Variants in CLIP4 observed in about 807,000 individuals in gnomAD.
CLIP4 encodes CAP-Gly domain-containing linker protein 4.
CLIP4 carries 47 observed loss-of-function variants against 73.1 expected under a neutral mutation model. The ratio of observed to expected loss-of-function variants is 0.64; its 90% CI spans 0.51 to 0.82. The LOEUF (loss-of-function observed/expected upper bound fraction) is 0.82. CLIP4 is among the 40% of genes least tolerant of loss of function. The pLI is 0.00. For synonymous variants in CLIP4, 306 were observed against 295.4 expected (o/e 1.04, Z -0.37); for missense variants, 874 against 852.9 (o/e 1.02, Z -0.31).
chr2:29,152,545 A>AT (rs140277158), intron 8 of CLIP4, 140 bp from the exon 9 acceptor site: 8,946 of 776,274 alleles, frequency 0.012, 325 homozygotes, highest in African/African-American at 0.097. Context: ...TGTGTCTTAC[A>AT]TTTTTTTTCC....
chr2:29,181,719 T>C lies in CLIP4; in HGVS notation c.1944T>C (p.Phe648=). The C allele has an allele frequency of 6.2e-7, 1 of 1,614,174 alleles. No individual in the cohort carries two copies. Residue 648 remains phenylalanine (F), a synonymous_variant, in exon 16 of 16, where the codon TTT becomes TTC. Transcript: ENST00000320081. ...TTAGGTATGTGGGCCCCACTGACTTTGCTTCAGGTATCTGGCTTGGACTTG... is the reference window on the plus strand; with the variant it reads ...TTAGGTATGTGGGCCCCACTGACTTCGCTTCAGGTATCTGGCTTGGACTTG... ...GTVRYVGPTD[F]ASGIWLGLEL...
At chr2:29,157,623 A>C (rs767840495) in intron 11 of CLIP4, among the ~76,000 whole-genome samples, 4 of 152,030 alleles carry the variant, frequency 2.6e-5, no homozygotes, top group Admixed American at 6.5e-5. Flanking sequence ...TGTCATCTTC[A>C]TATTTAAAAA....
intron 1 of CLIP4, 21 bp from the exon 2 acceptor site, chr2:29,121,353 T>C (rs1400927268): frequency 1.3e-6 from 2 of 1,571,348 alleles, no homozygotes; most frequent in Middle Eastern, 1.7e-4. Flanking sequence ...AGAAACACTT[T>C]TTTTTTCTTT....
chr2:29,153,911 C>T (rs1168371156), intron 9 of CLIP4, among the ~76,000 whole-genome samples: 2 of 152,108 alleles, frequency 1.3e-5, no homozygotes, highest in African/African-American at 4.8e-5. Context: ...TATAAATCAC[C>T]CTTCCGTATA....
At chr2:29,180,122 G>C (rs534080153) in intron 15 of CLIP4, among the ~76,000 whole-genome samples, 2 of 152,198 alleles carry the variant, frequency 1.3e-5, no homozygotes, top group African/African-American at 4.8e-5. Flanking sequence ...AACAAGTTCT[G>C]TGTTGAATAT....
chr2:29,175,090 G>A (rs1207501282), intron 15 of CLIP4, among the ~76,000 whole-genome samples: 1 of 152,160 alleles, frequency 6.6e-6, no homozygotes, highest in Non-Finnish European at 1.5e-5. Context: ...TAGCTGCTTA[G>A]GGAAGTACAC....
In CLIP4 at chr2:29,181,784, G is replaced by A; in HGVS notation, c.2009G>A (p.Gly670Asp). 1.2e-6 allele frequency: 2 copies of A among 1,614,168 alleles called. No individual in the cohort carries two copies. Among genetic ancestry groups the A allele is most frequent in the Non-Finnish European group, 1.7e-6 (2 of 1,180,028 alleles). ...AAGGGAAAAAATGATGGGTCAGTGG[G>A]TGACAAGCGCTATTTCACCTGTAAG... ...SAKGKNDGSV[G>D]DKRYFTCKPN... is the part of the protein sequence containing the mutation. The change falls in exon 16 of 16, where the codon GGT (glycine) becomes GAT (aspartate). Residue 670 changes from glycine to aspartate, a missense_variant. Coordinates refer to ENST00000320081, the MANE Select transcript of CLIP4 (RefSeq NM_024692.6).
chr2:29,139,504 T>G (rs1665609580), intron 6 of CLIP4, among the ~76,000 whole-genome samples: 1 of 152,200 alleles, frequency 6.6e-6, no homozygotes, highest in African/African-American at 2.4e-5. Flanking sequence ...ATAGAATGAA[T>G]TAGGGAGAAA....
At chr2:29,151,397 C>T (rs1474887011) in intron 8 of CLIP4, among the ~76,000 whole-genome samples, 2 of 152,020 alleles carry the variant, frequency 1.3e-5, no homozygotes, top group Admixed American at 6.6e-5. Context: ...TCATCGTCGT[C>T]ATTATCACCA....
At chr2:29,171,711 G>T (rs1245930899) in intron 14 of CLIP4, among the ~76,000 whole-genome samples, 2 of 151,930 alleles carry the variant, frequency 1.3e-5, no homozygotes, top group Non-Finnish European at 2.9e-5. Flanking sequence ...GTAGAGACGG[G>T]TTTTCACTAT....
intron 2 of CLIP4, among the ~76,000 whole-genome samples, chr2:29,126,285 A>G (rs981594711): frequency 6.6e-6 from 1 of 152,260 alleles, no homozygotes; most frequent in African/African-American, 2.4e-5. Flanking sequence ...TGAAAATTCA[A>G]ATGTAGTTAG....
chr2:29,160,410 G>A lies in CLIP4; in HGVS notation c.1477G>A (p.Val493Met). Residue 493 changes from valine (V) to methionine (M), a missense_variant, in exon 12 of 16, where the codon GTG (valine) becomes ATG (methionine). By Grantham distance (21) the Val-to-Met change is conservative (BLOSUM62 1). Transcript: ENST00000320081. ...GELRLGERVL[V>M]VGQRLGTIRF... ...ACTCCGCCTCGGAGAGAGAGTGTTA[G>A]TGGTAGGACAGAGACTGGGCACCAT... is the stretch of plus-strand genomic sequence containing the variant. 1 of 1,614,182 alleles carries A rather than the reference G, an allele frequency of 6.2e-7. No individual in the cohort carries two copies. Among genetic ancestry groups the A allele is most frequent in the African/African-American group, 1.3e-5 (1 of 75,046 alleles).
intron 2 of CLIP4, among the ~76,000 whole-genome samples, chr2:29,129,226 T>A (rs1664810256): frequency 6.6e-6 from 1 of 152,194 alleles, no homozygotes; most frequent in South Asian, 2.1e-4. Context: ...ATCAAAGTTG[T>A]ACGTCTGCCT....
At chr2:29,161,215 C>T (rs1411670991) in intron 12 of CLIP4, among the ~76,000 whole-genome samples, 2 of 152,212 alleles carry the variant, frequency 1.3e-5, no homozygotes, top group Non-Finnish European at 2.9e-5. Context: ...CTCAGGTGAT[C>T]TGCCCGCCTT....
upstream of CLIP4, among the ~76,000 whole-genome samples, chr2:29,112,538 A>G (rs1012581864): frequency 2.6e-5 from 4 of 152,258 alleles, no homozygotes; most frequent in African/African-American, 9.6e-5. Context: ...TACATTTCCC[A>G]GTTGCTTACT....
intron 5 of CLIP4, 85 bp from the exon 6 acceptor site, chr2:29,135,463 C>T: frequency 2.3e-6 from 2 of 887,338 alleles, no homozygotes; most frequent in South Asian, 1.9e-5. Flanking sequence ...GCTATAAGTC[C>T]CTCCTCCCAA....
At chr2:29,142,520 C>G (rs1370271534) in intron 6 of CLIP4, among the ~76,000 whole-genome samples, 3 of 151,998 alleles carry the variant, frequency 2.0e-5, no homozygotes, top group Non-Finnish European at 2.9e-5. Flanking sequence ...ATTAGTGTAA[C>G]ACATATCTTT....
At chr2:29,129,917 C>G in intron 2 of CLIP4, 1 of 446,202 alleles carries the variant, frequency 2.2e-6, no homozygotes, top group Non-Finnish European at 4.8e-6. Context: ...TGTTTTTGGA[C>G]CCCATCTTTG....
rs185514990 is a variant in CLIP4, at chr2:29,148,464, T to C, written c.1021+3097T>C. ...TGATAAGTTTTAATACTTGGTGGTA[T>C]TACTGTTTTTATGTCTTTTAATAAT... On this transcript the variant is annotated intron_variant, in intron 8 of 15. Transcript: ENST00000320081. 3.9e-4 allele frequency among the ~76,000 whole-genome samples: 60 copies of C among 152,336 alleles called. 1 individual carries two copies. The highest frequency in any genetic ancestry group is 6.8e-3 in the Middle Eastern group (2 of 294).
Sources: gnomAD v4.1 joint callset for allele counts (sites outside exome capture counted in the v4.1 genomes callset) on GRCh38, gnomAD v4.1.1 for gene constraint, MANE v1.5 for transcripts, NCBI Gene and HGNC (gene_info 2026-07-23, HGNC 2026-07-21) for gene names.